TACC2: variants seen among roughly 807,000 people sequenced by gnomAD.
TACC2 encodes transforming acidic coiled-coil containing protein 2.
TACC2 carries 137 observed loss-of-function variants against 227.3 expected under a neutral mutation model. The observed-to-expected ratio is 0.60, with a 90% CI of 0.52 to 0.69. The LOEUF (loss-of-function observed/expected upper bound fraction) is 0.69, where lower values mean the gene tolerates loss of function less well. TACC2 is among the 30% of genes least tolerant of loss of function. The pLI is 0.00. For missense variants in TACC2, 3,470 were observed against 3,694.4 expected (o/e 0.94, Z 1.57); for synonymous variants, 1,523 against 1,487.5 (o/e 1.02, Z -0.55).
intron 3 of TACC2, among the ~76,000 whole-genome samples, chr10:122,073,492 C>T (rs374830932): frequency 5.9e-5 from 9 of 152,236 alleles, no homozygotes; most frequent in South Asian, 4.1e-4. Context: ...CCATGTCGTC[C>T]TCTCAAGGGC....
At chr10:122,095,692 C>T (rs781671252) in intron 5 of TACC2, among the ~76,000 whole-genome samples, 1 of 152,206 alleles carries the variant, frequency 6.6e-6, no homozygotes, top group Admixed American at 6.5e-5. Flanking sequence ...TGATCATTCT[C>T]TTACTAGCCA....
intron 3 of TACC2, among the ~76,000 whole-genome samples, chr10:122,056,142 G>C (rs2076188632): frequency 6.6e-6 from 1 of 152,226 alleles, no homozygotes. Context: ...GATGCAGCAG[G>C]TTTGTGGTGA....
rs1436428056 is a variant in TACC2 at position 122,230,429 on chromosome 10, C to G, written c.8116C>G (p.Gln2706Glu). 1 of 1,614,170 alleles carries G rather than the reference C, an allele frequency of 6.2e-7. No individual in the cohort carries two copies. Among genetic ancestry groups the G allele is most frequent in the Non-Finnish European group, 8.5e-7 (1 of 1,180,018 alleles). ...GATTGCTTTGGCTTCCCGCAGCCAC[C>G]AGGATGCCAAGGTACCGGTTTGCTG... ...RQIALASRSH[Q>E]DAKREAAHPT... The change falls in exon 16 of 23, where the codon CAG becomes GAG. Residue 2706 changes from glutamine (Q) to glutamate (E), a missense_variant. Coordinates refer to ENST00000369005, the MANE Select transcript of TACC2 (RefSeq NM_206862.4).
chr10:122,076,662 G>T (rs547780300), intron 3 of TACC2, among the ~76,000 whole-genome samples: 1 of 151,986 alleles, frequency 6.6e-6, no homozygotes, highest in Non-Finnish European at 1.5e-5. Flanking sequence ...TGAGTGTAGA[G>T]GTGTGTGATT....
intron 7 of TACC2, among the ~76,000 whole-genome samples, chr10:122,176,107 CTCTCTCTCTCTATATATATA>C (rs1397740288): frequency 2.0e-4 from 14 of 70,534 alleles, no homozygotes; most frequent in African/African-American, 5.4e-4. Context: ...CTCTCTCTCT[CTCTCTCTCTCTATATATATA>C]TATATATATA....
rs948515169 is a variant in TACC2, at chr10:122,210,909, C to G, written c.6484C>G (p.Leu2162Val). 2 of 1,613,696 alleles carry G rather than the reference C, an allele frequency of 1.2e-6. No homozygotes were observed. The highest frequency in any genetic ancestry group is 2.7e-5 in the African/African-American group (2 of 74,810). The change falls in exon 9 of 23, where the codon CTT becomes GTT. Residue 2162 changes from leucine to valine, a missense_variant. Leu to Val is a conservative substitution (Grantham distance 32). Transcript: ENST00000369005. This position sits in a 1 kb window ranked among gnomAD's most constrained non-coding sequence, Gnocchi z 4.6. ...GCAACAGGAGCCAGATGAAGAGAGC[C>G]TTGTCCCCAGTGGGGAGAATCTAGC... The part of the protein sequence containing the change: ...ETQQEPDEES[L>V]VPSGENLASE...
At position 122,085,174 on chromosome 10, in the gene TACC2, G is replaced by A. The variant is rs2079963651; in HGVS notation, c.2674G>A (p.Gly892Arg). The A allele has an allele frequency of 1.2e-6, 2 of 1,614,098 alleles. No individual in the cohort carries two copies. The highest frequency in any genetic ancestry group is 1.7e-6 in the Non-Finnish European group (2 of 1,180,040). Residue 892 changes from glycine to arginine, a missense_variant, in exon 4 of 23, where the codon GGA becomes AGA. Coordinates refer to ENST00000369005, the MANE Select transcript of TACC2 (RefSeq NM_206862.4). ...QEDNNLPTHG[G>R]QEQALGSELQ... The stretch of plus-strand genomic sequence containing the variant: ...AGATAACAACTTGCCCACTCATGGA[G>A]GACAGGAGCAGGCTTTGGGATCAGA...
intron 7 of TACC2, among the ~76,000 whole-genome samples, chr10:122,167,961 A>G (rs770827384): frequency 2.1e-4 from 32 of 151,476 alleles, no homozygotes; most frequent in Non-Finnish European, 3.8e-4. Flanking sequence ...ATCACAGCTC[A>G]CTGCAGCCTC....
rs556738528 is a variant in TACC2 at position 122,009,163 on chromosome 10, G to A, written c.-45-12774G>A. Among the ~76,000 whole-genome samples the A allele has an allele frequency of 3.7e-4, 56 of 152,182 alleles. 2 individuals are homozygous for A. The South Asian group carries it at 0.011, about 30-fold the overall frequency. On this transcript the variant is annotated intron_variant, in intron 1 of 22. Coordinates refer to ENST00000369005, the MANE Select transcript of TACC2 (RefSeq NM_206862.4). ...CTTTCCTCTTTTTATTTACAGTTTT[G>A]AAAAGTGATTACACTTCTCTGTTTT... is the stretch of plus-strand genomic sequence containing the variant.
chr10:122,084,561 C>G lies in TACC2; in HGVS notation c.2061C>G (p.Ile687Met), dbSNP rs371118062. The G allele has an allele frequency of 7.4e-5, 119 of 1,613,656 alleles. No individual in the cohort carries two copies. The highest frequency in any genetic ancestry group is 9.8e-5 in the Non-Finnish European group (116 of 1,180,016). Residue 687 changes from isoleucine to methionine, a missense_variant, in exon 4 of 23, where the codon ATC (isoleucine) becomes ATG (methionine). Ile to Met is a conservative substitution (Grantham distance 10). This residue lies in a region of TACC2 where 1,924 missense variants were observed against 1,978.3 expected (regional missense o/e 0.97). Coordinates refer to ENST00000369005, the MANE Select transcript of TACC2 (RefSeq NM_206862.4). The part of the protein sequence containing the change: ...AGEPTVPEGA[I>M]WEGSGLQPKC... ...AGCCCACTGTTCCCGAAGGAGCCAT[C>G]TGGGAGGGGTCAGGATTGCAGCCCA...
rs538264702 is a variant in TACC2, at chr10:122,192,694, T to C, written c.5835-2346T>C. On this transcript the variant is annotated intron_variant, in intron 7 of 22. Coordinates refer to ENST00000369005, the MANE Select transcript of TACC2 (RefSeq NM_206862.4). ...TTCAGCGGAAATGGCCTATGCCTCC[T>C]GGCAGAGGTGGTCCCCAGTGGAATG... is the stretch of plus-strand genomic sequence containing the variant. 8 of 456,732 alleles carry C rather than the reference T, an allele frequency of 1.8e-5. No homozygotes were observed. In the East Asian group the frequency reaches 5.6e-4, roughly 32 times the overall value. 28.3% of individuals were successfully genotyped at this position (456,732 alleles called of 1,614,324 possible). A position where few individuals can be genotyped will look rare whatever the true frequency, so the allele number is the denominator to read the frequency against.
chr10:122,130,704 C>A (rs556038750), intron 5 of TACC2, among the ~76,000 whole-genome samples: 1 of 152,344 alleles, frequency 6.6e-6, no homozygotes, highest in South Asian at 2.1e-4. Flanking sequence ...CAACCTTCGA[C>A]AAGCTGCTCA....
chr10:122,096,351 T>C (rs2137445122), intron 5 of TACC2, among the ~76,000 whole-genome samples: 1 of 152,258 alleles, frequency 6.6e-6, no homozygotes, highest in East Asian at 1.9e-4. Context: ...ACAGCAGCGC[T>C]TGTGGCAAAC....
Position 122,195,104 on chromosome 10 carries a change from G to T in TACC2, c.5899G>T (p.Ala1967Ser), listed in dbSNP as rs2094521268. 2 of 1,613,450 alleles carry T rather than the reference G, an allele frequency of 1.2e-6. No individual in the cohort carries two copies. The highest frequency in any genetic ancestry group is 1.3e-5 in the African/African-American group (1 of 74,880). ...AACGACCCCTGTCAAAGCTCCGCCA[G>T]CTCCACCCCCACCACCCCCCGAAGT... ...ESTTPVKAPP[A>S]PPPPPPEVIP... The change falls in exon 8 of 23, where the codon GCT (alanine) becomes TCT (serine). Residue 1967 changes from alanine (A) to serine (S), a missense_variant. This residue lies in a region of TACC2 where 593 missense variants were observed against 636.6 expected (regional missense o/e 0.93). Coordinates refer to ENST00000369005, the MANE Select transcript of TACC2 (RefSeq NM_206862.4).
Position 122,089,302 on chromosome 10 carries a change from A to G in TACC2, c.5573+711A>G, listed in dbSNP as rs142960406. Reference sequence around the variant, plus strand: ...ATACCCCAGCCCCCACACCCGCCGCATCATCTCTAGGCACCCATTCATCTA... The same window carrying G: ...ATACCCCAGCCCCCACACCCGCCGCGTCATCTCTAGGCACCCATTCATCTA... On this transcript the variant is annotated intron_variant, in intron 5 of 22. Transcript: ENST00000369005. Among the ~76,000 whole-genome samples, 1,450 of 152,220 alleles carry G rather than the reference A, an allele frequency of 9.5e-3. 12 individuals carry two copies. Among genetic ancestry groups the G allele is most frequent in the Non-Finnish European group, 0.016 (1,088 of 68,016 alleles).
At chr10:122,243,605 T>C (rs2096053199) in intron 19 of TACC2, among the ~76,000 whole-genome samples, 1 of 151,854 alleles carries the variant, frequency 6.6e-6, no homozygotes, top group South Asian at 2.1e-4. Context: ...TATGAACACA[T>C]ATGGATAAGA....
At chr10:122,069,808 G>A (rs527421191) in intron 3 of TACC2, among the ~76,000 whole-genome samples, 2 of 152,272 alleles carry the variant, frequency 1.3e-5, no homozygotes, top group African/African-American at 2.4e-5. Context: ...ACAAGATGCC[G>A]CGGGCAAAGT....
intron 5 of TACC2, among the ~76,000 whole-genome samples, chr10:122,124,961 C>G (rs934599568): frequency 6.6e-6 from 1 of 151,808 alleles, no homozygotes; most frequent in Non-Finnish European, 1.5e-5. Context: ...AACCCCCGCC[C>G]CCTCCCAGCC....
Position 122,087,209 on chromosome 10 carries a change from C to T in TACC2, c.4709C>T (p.Pro1570Leu). Residue 1570 changes from proline (P) to leucine (L), a missense_variant, in exon 4 of 23, where the codon CCT becomes CTT. Around this residue, in one of 10 missense-constraint regions of TACC2, gnomAD observed 1,924 missense variants for 1,978.3 expected, o/e 0.97. Transcript: ENST00000369005. ...LPSPAATQEL[P>L]VERAAAFQVA... ...TCACCAGCAGCTACTCAGGAGCTCC[C>T]TGTGGAGAGAGCTGCTGCCTTCCAG... is the stretch of plus-strand genomic sequence containing the variant. The T allele has an allele frequency of 6.2e-7, 1 of 1,612,814 alleles. No individual in the cohort carries two copies. Among genetic ancestry groups the T allele is most frequent in the Non-Finnish European group, 8.5e-7 (1 of 1,179,564 alleles).
Sources: allele counts gnomAD v4.1 joint callset (sites outside exome capture counted in the v4.1 genomes callset), GRCh38; gene constraint gnomAD v4.1.1; regional missense constraint gnomAD v4.1.1; non-coding constraint Gnocchi (gnomAD v3.1); transcripts MANE v1.5; gene names NCBI Gene and HGNC (gene_info 2026-07-23, HGNC 2026-07-21).